The following LNPK variants were observed in gnomAD, a reference collection of about 807,000 sequenced individuals.
LNPK encodes the protein endoplasmic reticulum junction formation protein lunapark.
Under a neutral mutation model 55.2 loss-of-function variants are expected in LNPK, and 29 were observed. The observed-to-expected ratio is 0.53, with a 90% CI of 0.39 to 0.72. LNPK has a LOEUF of 0.72. Among genes scored for constraint, LNPK ranks in the 30% least tolerant of loss-of-function variants. The pLI is 0.00. For missense variants in LNPK, 467 were observed against 494.8 expected, an observed-to-expected ratio of 0.94 and a Z score of 0.53; for synonymous variants, 162 against 168.2, an observed-to-expected ratio of 0.96 and a Z score of 0.29.
chr2:175,967,850 G>A (rs1686447511), intron 6 of LNPK: 1 of 646,450 alleles, frequency 1.5e-6, no homozygotes, highest in African/African-American at 2.0e-5. Flanking sequence ...ACATTACTGG[G>A]TAATACAAAA....
intron 6 of LNPK, among the ~76,000 whole-genome samples, chr2:175,965,279 G>A (rs575154033): frequency 5.3e-5 from 8 of 152,200 alleles, no homozygotes; most frequent in Admixed American, 2.0e-4. Flanking sequence ...TTATTGTAAC[G>A]TTTTATTTAC....
chr2:175,928,577 T>C lies in LNPK; in HGVS notation c.*1390A>G, dbSNP rs1028900151. 2.7e-5 allele frequency: 4 copies of C among 150,228 alleles called. No homozygotes were observed. Among genetic ancestry groups the C allele is most frequent in the African/African-American group, 9.8e-5 (4 of 40,892 alleles). 9.3% of individuals were successfully genotyped at this position (150,228 alleles called of 1,614,324 possible). ...ATCATAAAAATAGATTTTTAAATGATAAAAATGTTTTGTTCAGTTGTTAAT... is the reference window on the plus strand; with the variant it reads ...ATCATAAAAATAGATTTTTAAATGACAAAAATGTTTTGTTCAGTTGTTAAT... On this transcript the variant is annotated 3_prime_UTR_variant, in exon 13 of 13. Transcript: ENST00000272748.
In LNPK at chr2:175,965,981, C is replaced by T. The variant is rs757670311; in HGVS notation, c.358-1392G>A. Among the ~76,000 whole-genome samples the T allele has an allele frequency of 1.1e-3, 164 of 152,276 alleles. 1 individual carries two copies. Among genetic ancestry groups the T allele is most frequent in the East Asian group, 2.5e-3 (13 of 5,188 alleles). ...TAATGATGAAAATGGTCTATGTCAG[C>T]GTAATAGTAGCCACTAAGCCCTATG... On this transcript the variant is annotated intron_variant, in intron 6 of 12. Coordinates refer to ENST00000272748, the MANE Select transcript of LNPK (RefSeq NM_030650.3).
chr2:175,979,350 G>A (rs1483628251), intron 5 of LNPK, among the ~76,000 whole-genome samples: 2 of 152,104 alleles, frequency 1.3e-5, no homozygotes, highest in Admixed American at 1.3e-4. Context: ...CCTGAGCTCA[G>A]GAGTTCGAGA....
In LNPK at chr2:175,984,044, G is replaced by A. The variant is rs376819588; in HGVS notation, c.258-4176C>T. ...GACATGAAAAACACAATTAATAAAG[G>A]GAAAAACTGATAACTTGAACCTCAT... On this transcript the variant is annotated intron_variant, in intron 4 of 12. Coordinates refer to ENST00000272748, the MANE Select transcript of LNPK (RefSeq NM_030650.3). Among the ~76,000 whole-genome samples the A allele has an allele frequency of 1.2e-4, 18 of 151,874 alleles. No homozygotes were observed. In the East Asian group the frequency reaches 2.9e-3, roughly 24 times the overall value.
intron 8 of LNPK, among the ~76,000 whole-genome samples, chr2:175,956,482 AC>A (rs1487440059): frequency 1.3e-5 from 2 of 152,216 alleles, no homozygotes; most frequent in East Asian, 1.9e-4. Context: ...AAGATCTATA[AC>A]CCATTAATTA....
chr2:175,931,957 C>T, intron 12 of LNPK: 2 of 289,790 alleles, frequency 6.9e-6, no homozygotes, highest in South Asian at 6.8e-5. Flanking sequence ...CCACAACTCT[C>T]TGGCCATAGA....
intron 1 of LNPK, among the ~76,000 whole-genome samples, chr2:175,997,738 TAA>T (rs200700527): frequency 0.077 from 11,704 of 151,326 alleles, 485 homozygotes; most frequent in South Asian, 0.096. Context: ...TGTGTGTGTA[TAA>T]ATATAATTTT....
intron 9 of LNPK, among the ~76,000 whole-genome samples, chr2:175,940,579 A>T (rs1253777341): frequency 2.0e-5 from 3 of 152,284 alleles, no homozygotes; most frequent in Admixed American, 6.5e-5. Context: ...GGAATTTTTA[A>T]AACCCAGTAT....
chr2:175,941,320 C>A (rs1303872670), intron 9 of LNPK, among the ~76,000 whole-genome samples: 3 of 117,882 alleles, frequency 2.5e-5, no homozygotes, highest in Non-Finnish European at 6.3e-5. Context: ...TAATTGGGGT[C>A]CATCAAGAAG....
At chr2:175,984,000 G>A (rs188285966) in intron 4 of LNPK, among the ~76,000 whole-genome samples, 251 of 151,752 alleles carry the variant, frequency 1.7e-3, no homozygotes, top group African/African-American at 5.6e-3. Context: ...CTGTAGCAAG[G>A]TAAAGTGGTC....
chr2:175,987,861 A>C (rs1687501218), intron 4 of LNPK, among the ~76,000 whole-genome samples: 1 of 152,212 alleles, frequency 6.6e-6, no homozygotes, highest in Admixed American at 6.5e-5. Flanking sequence ...TATGTGTCCT[A>C]GCAGGAAATA....
intron 5 of LNPK, among the ~76,000 whole-genome samples, chr2:175,973,499 G>C (rs908826289): frequency 6.6e-6 from 1 of 152,176 alleles, no homozygotes; most frequent in African/African-American, 2.4e-5. Flanking sequence ...ACACCTTACA[G>C]TTTCAAAAGT....
intron 11 of LNPK, 43 bp from the exon 12 acceptor site, chr2:175,937,557 CA>C: frequency 6.8e-7 from 1 of 1,480,876 alleles, no homozygotes; most frequent in Non-Finnish European, 9.3e-7. Context: ...ACAAACCAAG[CA>C]AAGTTCAAGA....
At chr2:175,968,684 ACT>A (rs1221380777) in intron 6 of LNPK, among the ~76,000 whole-genome samples, 1 of 152,218 alleles carries the variant, frequency 6.6e-6, no homozygotes, top group Non-Finnish European at 1.5e-5. Context: ...TTCCTAATTT[ACT>A]TTTTAATCAA....
chr2:175,979,049 T>C (rs527545150), intron 5 of LNPK, among the ~76,000 whole-genome samples: 2 of 152,224 alleles, frequency 1.3e-5, no homozygotes, highest in South Asian at 2.1e-4. Flanking sequence ...ATGATACTTA[T>C]GAGATAACTG....
intron 4 of LNPK, among the ~76,000 whole-genome samples, chr2:175,983,567 G>T (rs1194935504): frequency 6.6e-6 from 1 of 151,992 alleles, no homozygotes; most frequent in Admixed American, 6.6e-5. Context: ...ATATTAAGTG[G>T]GCTAAACTCA....
chr2:175,974,410 T>A (rs557739229), intron 5 of LNPK, among the ~76,000 whole-genome samples: 3 of 152,304 alleles, frequency 2.0e-5, no homozygotes, highest in Admixed American at 6.5e-5. Flanking sequence ...GATGAAATGA[T>A]TAGTCCTACA....
Position 175,951,458 on chromosome 2 carries a change from A to T in LNPK, c.494-3766T>A, listed in dbSNP as rs1006100799. 3.3e-5 allele frequency among the ~76,000 whole-genome samples: 5 copies of T among 151,574 alleles called. No individual in the cohort carries two copies. In the East Asian group the frequency reaches 9.7e-4, roughly 29 times the overall value. On this transcript the variant is annotated intron_variant, in intron 8 of 12. Coordinates refer to ENST00000272748, the MANE Select transcript of LNPK (RefSeq NM_030650.3). ...AGCTTAGCTGCCACTTATGAGTGAG[A>T]ACATACGATGTTTGGTTTTCCATTC...
Sources: allele counts gnomAD v4.1 joint callset (sites outside exome capture counted in the v4.1 genomes callset), GRCh38; gene constraint gnomAD v4.1.1; transcripts MANE v1.5; gene names NCBI Gene and HGNC (gene_info 2026-07-23, HGNC 2026-07-21).